The following FBXL13 variants were observed in gnomAD, a reference collection of about 807,000 sequenced individuals.
The protein encoded by FBXL13 is F-box and leucine rich repeat protein 13.
FBXL13 carries 67 observed loss-of-function variants against 83.6 expected under a neutral mutation model. The ratio of observed to expected loss-of-function variants is 0.80; its 90% CI spans 0.66 to 0.98. The LOEUF (loss-of-function observed/expected upper bound fraction) is 0.98. Ranked by LOEUF, FBXL13 falls within the 50% of genes least tolerant of loss-of-function variation. FBXL13 has a pLI of 0.00. For synonymous variants in FBXL13, 272 were observed against 299.5 expected, an observed-to-expected ratio of 0.91 and a Z score of 0.95; for missense variants, 822 against 866.5, an observed-to-expected ratio of 0.95 and a Z score of 0.64.
At chr7:102,946,346 G>C (rs1016810969) in intron 8 of FBXL13, among the ~76,000 whole-genome samples, 2 of 152,216 alleles carry the variant, frequency 1.3e-5, no homozygotes, top group Non-Finnish European at 2.9e-5. Flanking sequence ...CACACAGCTG[G>C]CAAGTGGCAG....
At chr7:102,882,373 G>A (rs773781992) in intron 14 of FBXL13, among the ~76,000 whole-genome samples, 2 of 152,172 alleles carry the variant, frequency 1.3e-5, no homozygotes, top group Non-Finnish European at 2.9e-5. Context: ...TGGATCAAAT[G>A]CTATTTTGTT....
At chr7:103,032,995 A>G (rs1171906167) in intron 2 of FBXL13, among the ~76,000 whole-genome samples, 1 of 151,740 alleles carries the variant, frequency 6.6e-6, no homozygotes, top group Non-Finnish European at 1.5e-5. Context: ...GTGCCACTGC[A>G]CTCCAGCCTG....
chr7:102,823,305 A>G (rs1206138093), intron 18 of FBXL13, among the ~76,000 whole-genome samples: 1 of 152,220 alleles, frequency 6.6e-6, no homozygotes, highest in Admixed American at 6.5e-5. Context: ...ACTACAAAAT[A>G]TATATCCCCC....
exon 19 of FBXL13, chr7:102,822,069 A>G (rs1372722694): frequency 6.2e-7 from 1 of 1,614,104 alleles, no homozygotes; most frequent in East Asian, 2.2e-5. Flanking sequence ...ATTGCATCTT[A>G]AGGATCCGGA....
intron 3 of FBXL13, 105 bp from the exon 5 acceptor site, chr7:103,028,853 A>C: frequency 2.2e-6 from 2 of 922,816 alleles, no homozygotes; most frequent in Middle Eastern, 3.5e-4. Flanking sequence ...TTATGACCTC[A>C]AAAACCACAG....
At chr7:102,859,063 C>A (rs1194506123) in intron 16 of FBXL13, among the ~76,000 whole-genome samples, 1 of 152,070 alleles carries the variant, frequency 6.6e-6, no homozygotes, top group Admixed American at 6.5e-5. Flanking sequence ...GTACATAAAA[C>A]TCAGAAAATA....
intron 10 of FBXL13, among the ~76,000 whole-genome samples, chr7:102,923,316 T>C (rs957544180): frequency 6.6e-6 from 1 of 152,194 alleles, no homozygotes; most frequent in African/African-American, 2.4e-5. Context: ...CCCCGATTTG[T>C]AGTGTTTGAT....
At chr7:102,864,827 A>C (rs1018214335) in intron 16 of FBXL13, among the ~76,000 whole-genome samples, 4 of 152,232 alleles carry the variant, frequency 2.6e-5, no homozygotes, top group Non-Finnish European at 5.9e-5. Context: ...CTTAATCCTT[A>C]TAACAACACT....
chr7:103,008,867 T>C (rs1186360864), intron 6 of FBXL13, among the ~76,000 whole-genome samples: 3 of 152,156 alleles, frequency 2.0e-5, no homozygotes, highest in Admixed American at 6.5e-5. Context: ...TTATAATTGA[T>C]TATTTAAAGC....
At chr7:103,039,038 TG>T (rs1795379323) in intron 2 of FBXL13, among the ~76,000 whole-genome samples, 1 of 152,174 alleles carries the variant, frequency 6.6e-6, no homozygotes, top group African/African-American at 2.4e-5. Flanking sequence ...TAAAGGAGCA[TG>T]TTCTAACCCA....
At chr7:102,855,594 A>C (rs1805917992) in intron 16 of FBXL13, among the ~76,000 whole-genome samples, 1 of 152,048 alleles carries the variant, frequency 6.6e-6, no homozygotes, top group African/African-American at 2.4e-5. Context: ...AATCCCATAC[A>C]ATGTACTTCT....
chr7:102,926,997 G>T (rs1047606083), intron 9 of FBXL13, among the ~76,000 whole-genome samples: 15 of 152,232 alleles, frequency 9.9e-5, no homozygotes, highest in African/African-American at 2.6e-4. Flanking sequence ...GGAGTAGGGT[G>T]GGGGAGGATC....
Position 102,824,676 on chromosome 7 carries a change from G to A in FBXL13, c.1855-2473C>T, listed in dbSNP as rs1799310113. On this transcript the variant is annotated intron_variant, in intron 18 of 19. Coordinates refer to ENST00000313221, the Ensembl canonical transcript of FBXL13. Reference sequence around the variant, plus strand: ...AATTTTTGTATTTTTAGTAGAGACAGGGTTTTACCATGTTGGTCAGGCTGG... The same window carrying A: ...AATTTTTGTATTTTTAGTAGAGACAAGGTTTTACCATGTTGGTCAGGCTGG... 4.6e-5 allele frequency among the ~76,000 whole-genome samples: 7 copies of A among 152,050 alleles called. No homozygotes were observed. The South Asian group carries it at 1.2e-3, about 27-fold the overall frequency.
intron 10 of FBXL13, among the ~76,000 whole-genome samples, chr7:102,919,753 C>T (rs1196081593): frequency 6.6e-6 from 1 of 152,124 alleles, no homozygotes; most frequent in Non-Finnish European, 1.5e-5. Flanking sequence ...GTTTATCCTC[C>T]AAGATAATAG....
rs1306926564 is a variant in FBXL13, at chr7:102,971,589, C to T, written c.496-3472G>A. On this transcript the variant is annotated intron_variant, in intron 6 of 19. Transcript: ENST00000313221. Reference sequence around the variant, plus strand: ...AGCCTAGGCAATAAGAGCGAAACTCCGTCTCAAAAAAAAAAAAAAAAAGAC... The same window carrying T: ...AGCCTAGGCAATAAGAGCGAAACTCTGTCTCAAAAAAAAAAAAAAAAAGAC... Among the ~76,000 whole-genome samples, 15 of 97,214 alleles carry T rather than the reference C, an allele frequency of 1.5e-4. 1 individual carries two copies. The highest frequency in any genetic ancestry group is 3.3e-4 in the African/African-American group (9 of 27,206). 63.8% of individuals were successfully genotyped at this position (97,214 alleles called of 152,430 possible). A position where few individuals can be genotyped will look rare whatever the true frequency, so the allele number is the denominator to read the frequency against.
intron 8 of FBXL13, among the ~76,000 whole-genome samples, chr7:102,936,480 A>C (rs1820334251): frequency 6.6e-6 from 1 of 152,208 alleles, no homozygotes; most frequent in Admixed American, 6.5e-5. Context: ...GAGTAAGTAA[A>C]TGTAGTTTTT....
intron 16 of FBXL13, among the ~76,000 whole-genome samples, chr7:102,876,599 T>C (rs142389146): frequency 3.3e-5 from 5 of 150,892 alleles, no homozygotes; most frequent in Non-Finnish European, 5.9e-5. Flanking sequence ...CAGTGAGAAA[T>C]AGAAACGGTT....
At chr7:102,857,099 G>T (rs764360729) in intron 16 of FBXL13, among the ~76,000 whole-genome samples, 57 of 152,020 alleles carry the variant, frequency 3.7e-4, no homozygotes, top group Non-Finnish European at 4.4e-5. Context: ...ATAGACTAAA[G>T]AATTAAACAT....
intron 8 of FBXL13, among the ~76,000 whole-genome samples, chr7:102,957,190 T>C (rs974761759): frequency 1.3e-5 from 2 of 152,090 alleles, no homozygotes; most frequent in Admixed American, 6.6e-5. Context: ...AACAGATATA[T>C]ACACCAATGG....
Sources: allele counts gnomAD v4.1 joint callset (sites outside exome capture counted in the v4.1 genomes callset), GRCh38; gene constraint gnomAD v4.1.1; transcripts MANE v1.5; gene names NCBI Gene and HGNC (gene_info 2026-07-23, HGNC 2026-07-21).